The following FRMD4B variants were observed in gnomAD, a reference collection of about 807,000 sequenced individuals.
FRMD4B encodes the protein FERM domain containing 4B, also known as FERM domain-containing protein 4B.
In FRMD4B, 74 loss-of-function variants were observed where a neutral mutation model predicts 141.5. The ratio of observed to expected loss-of-function variants is 0.52; its 90% CI spans 0.43 to 0.63. The LOEUF (loss-of-function observed/expected upper bound fraction) is 0.63, where lower values mean the gene tolerates loss of function less well. Among genes scored for constraint, FRMD4B ranks in the 30% least tolerant of loss-of-function variants. The probability of loss-of-function intolerance (pLI) is 0.00; values close to 1 mark genes in which losing one functional copy is unlikely to be tolerated. For missense variants in FRMD4B, 1,366 were observed against 1,253.4 expected, an observed-to-expected ratio of 1.09 and a Z score of -1.36; for synonymous variants, 506 against 467.9, an observed-to-expected ratio of 1.08 and a Z score of -1.05.
intron 19 of FRMD4B, 92 bp downstream of exon 19, chr3:69,187,678 A>G: frequency 8.5e-7 from 1 of 1,178,414 alleles, no homozygotes; most frequent in Middle Eastern, 2.0e-4. Context: ...ATAAATAAAA[A>G]CATGTGAAAA....
intron 1 of FRMD4B, among the ~76,000 whole-genome samples, chr3:69,326,694 G>A (rs1312773836): frequency 2.0e-5 from 3 of 152,296 alleles, no homozygotes; most frequent in African/African-American, 4.8e-5. Context: ...TCAAAAAGGT[G>A]CTCAACAAAC....
Position 69,350,176 on chromosome 3 carries a change from C to T in FRMD4B, c.162+35652G>A, listed in dbSNP as rs187100457. Among the ~76,000 whole-genome samples the T allele has an allele frequency of 1.4e-3, 212 of 152,264 alleles. 1 individual carries two copies. Among genetic ancestry groups the T allele is most frequent in the African/African-American group, 4.7e-3 (197 of 41,534 alleles). The stretch of plus-strand genomic sequence containing the variant: ...AAAGTGGGCAAAGGATATGAACAGA[C>T]GCTTCTCAAAAGAAGACATTTATGC... On this transcript the variant is annotated intron_variant, in intron 1 of 22. Coordinates refer to ENST00000398540, the MANE Select transcript of FRMD4B (RefSeq NM_015123.3).
At position 69,193,845 on chromosome 3, in the gene FRMD4B, T is replaced by C. The variant is rs763694222; in HGVS notation, c.1517A>G (p.Asn506Ser). ...CACCAGCTTTTGTTGTATTAGAAAA[T>C]TACTCTCCAGTTCTTGCAAAGCAGG... is the stretch of plus-strand genomic sequence containing the variant. ...EDPALQELES[N>S]FLIQQKLVEA... Residue 506 changes from asparagine to serine, a missense_variant, in exon 17 of 23, where the codon AAT (asparagine) becomes AGT (serine). Asn to Ser is a conservative substitution (Grantham distance 46, BLOSUM62 1). Transcript: ENST00000398540. 1.2e-6 allele frequency: 2 copies of C among 1,612,266 alleles called. No individual in the cohort carries two copies. Among genetic ancestry groups the C allele is most frequent in the Admixed American group, 3.3e-5 (2 of 59,948 alleles).
In FRMD4B at chr3:69,434,286, G is replaced by A. The variant is rs541001100; in HGVS notation, c.-128-1525C>T. On this transcript the variant is annotated intron_variant, in intron 1 of 5. Transcript: ENST00000459638. ...CTTCAATAGCTACTATTTGTTAAGT[G>A]TCCAACATAAGCCATATGCTATGCC... Among the ~76,000 whole-genome samples the A allele has an allele frequency of 5.1e-4, 78 of 152,260 alleles. 1 individual carries two copies. Among genetic ancestry groups the A allele is most frequent in the Non-Finnish European group, 9.1e-4 (62 of 68,032 alleles).
intron 1 of FRMD4B, among the ~76,000 whole-genome samples, chr3:69,354,676 G>T (rs1452205001): frequency 6.6e-6 from 1 of 152,138 alleles, no homozygotes; most frequent in Non-Finnish European, 1.5e-5. Flanking sequence ...GATACCACAG[G>T]TATCTAAATA....
At chr3:69,173,299 A>T (rs2092607817) in intron 22 of FRMD4B, among the ~76,000 whole-genome samples, 1 of 152,224 alleles carries the variant, frequency 6.6e-6, no homozygotes, top group Non-Finnish European at 1.5e-5. Context: ...GCTAATGACA[A>T]TTATGCCAAT....
At position 69,230,471 on chromosome 3, in the gene FRMD4B, C is replaced by T. The variant is rs77199239; in HGVS notation, c.582-5781G>A. Among the ~76,000 whole-genome samples the T allele has an allele frequency of 3.8e-3, 574 of 152,014 alleles. 3 individuals carry two copies. The highest frequency in any genetic ancestry group is 0.013 in the African/African-American group (543 of 41,462). On this transcript the variant is annotated intron_variant, in intron 7 of 22. Coordinates refer to ENST00000398540, the MANE Select transcript of FRMD4B (RefSeq NM_015123.3). ...TACAAGAGTAAGATTTAGGACCAGG[C>T]GTGGTGGCTCACACCTGTAATTCCA...
intron 1 of FRMD4B, among the ~76,000 whole-genome samples, chr3:69,374,341 A>T (rs776046131): frequency 2.6e-5 from 4 of 152,218 alleles, no homozygotes; most frequent in Non-Finnish European, 5.9e-5. Flanking sequence ...AGCTGGCTCT[A>T]GCCCATTCTA....
Position 69,261,548 on chromosome 3 carries a change from C to T in FRMD4B, c.502-11449G>A, listed in dbSNP as rs568985098. Among the ~76,000 whole-genome samples the T allele has an allele frequency of 2.2e-4, 33 of 152,246 alleles. 2 individuals are homozygous for T. The South Asian group carries it at 5.0e-3, about 23-fold the overall frequency. On this transcript the variant is annotated intron_variant, in intron 5 of 22. Transcript: ENST00000398540. ...TTTTTGTGTAGTTCTTTGCAATGTC[C>T]GTGGTATATCTGGTTGCATTACATG...
intron 1 of FRMD4B, among the ~76,000 whole-genome samples, chr3:69,457,289 G>T (rs758257902): frequency 1.3e-5 from 2 of 152,156 alleles, no homozygotes; most frequent in Non-Finnish European, 2.9e-5. Flanking sequence ...AGGAAAAAAA[G>T]GTTAGCATGG....
At chr3:69,180,161 CA>C (rs1427559330) in intron 21 of FRMD4B, among the ~76,000 whole-genome samples, 1 of 147,268 alleles carries the variant, frequency 6.8e-6, no homozygotes, top group East Asian at 2.0e-4. Context: ...TTTGGGAGGC[CA>C]AGGCAGGAGG....
intron 1 of FRMD4B, among the ~76,000 whole-genome samples, chr3:69,315,851 G>A (rs559436782): frequency 1.3e-5 from 2 of 152,300 alleles, no homozygotes; most frequent in African/African-American, 2.4e-5. Context: ...GCTCTAAGCC[G>A]TTGTACAAAA....
intron 1 of FRMD4B, among the ~76,000 whole-genome samples, chr3:69,347,612 C>A (rs1341762177): frequency 1.3e-5 from 2 of 152,174 alleles, no homozygotes; most frequent in East Asian, 3.8e-4. Flanking sequence ...TGTAAAAGAA[C>A]AGAAATTATA....
At chr3:69,269,687 T>G (rs1338704431) in intron 5 of FRMD4B, among the ~76,000 whole-genome samples, 1 of 152,190 alleles carries the variant, frequency 6.6e-6, no homozygotes, top group Non-Finnish European at 1.5e-5. Flanking sequence ...CTCTGTCGCT[T>G]AGGCTGGAGT....
intron 2 of FRMD4B, among the ~76,000 whole-genome samples, chr3:69,402,174 C>A (rs1298258692): frequency 6.6e-6 from 1 of 152,188 alleles, no homozygotes. Context: ...CCCATCCTCC[C>A]TGTCAAGTGA....
At chr3:69,264,480 T>C (rs1416232828) in intron 5 of FRMD4B, among the ~76,000 whole-genome samples, 1 of 152,166 alleles carries the variant, frequency 6.6e-6, no homozygotes, top group Non-Finnish European at 1.5e-5. Flanking sequence ...ATAGATTTGA[T>C]TTGCCCTGAT....
intron 1 of FRMD4B, chr3:69,433,043 G>C (rs1705204959): frequency 6.6e-6 from 1 of 152,312 alleles, no homozygotes; most frequent in East Asian, 1.9e-4. Context: ...GACTTCTACT[G>C]TCTCTGTAGG....
At chr3:69,495,707 ATG>A (rs150449761) in intron 1 of FRMD4B, among the ~76,000 whole-genome samples, 3,393 of 152,302 alleles carry the variant, frequency 0.022, 62 homozygotes, top group Non-Finnish European at 0.03. Flanking sequence ...GAGTAAATAT[ATG>A]TAAATATTAT....
chr3:69,313,653 G>C, intron 1 of FRMD4B, 136 bp from the exon 2 acceptor site: 2 of 618,474 alleles, frequency 3.2e-6, no homozygotes, highest in Admixed American at 5.8e-5. Flanking sequence ...AACAGGCTTG[G>C]CCAAAAACAG....
Sources: gnomAD v4.1 joint callset for allele counts (sites outside exome capture counted in the v4.1 genomes callset) on GRCh38, gnomAD v4.1.1 for gene constraint, MANE v1.5 for transcripts, NCBI Gene and HGNC (gene_info 2026-07-23, HGNC 2026-07-21) for gene names.